Variants in NAALADL2 observed in about 807,000 individuals in gnomAD.
NAALADL2 encodes inactive N-acetylated-alpha-linked acidic dipeptidase-like protein 2.
Under a neutral mutation model 87.2 loss-of-function variants are expected in NAALADL2, and 76 were observed. That is an observed-to-expected ratio of 0.87 (90% CI 0.72 to 1.05). The LOEUF (loss-of-function observed/expected upper bound fraction) is 1.05, where lower values mean the gene tolerates loss of function less well. Ranked by LOEUF, NAALADL2 falls within the 50% of genes least tolerant of loss-of-function variation. The pLI is 0.00. For synonymous variants in NAALADL2, 354 were observed against 331.0 expected (o/e 1.07, Z -0.75); for missense variants, 1,089 against 945.8 (o/e 1.15, Z -1.99).
intron 6 of NAALADL2, chr3:175,460,033 T>C: frequency 2.8e-6 from 1 of 363,442 alleles, no homozygotes; most frequent in South Asian, 2.0e-5. Flanking sequence ...TTTTCTGTTA[T>C]TGCTATTACA....
intron 1 of NAALADL2, among the ~76,000 whole-genome samples, chr3:174,894,556 T>C (rs1026567325): frequency 4.3e-5 from 5 of 117,520 alleles, no homozygotes; most frequent in African/African-American, 1.7e-4. Flanking sequence ...ATCATGCCAC[T>C]GCACTCCAGC....
upstream of NAALADL2, among the ~76,000 whole-genome samples, chr3:174,856,693 T>C (rs1725896782): frequency 6.6e-6 from 1 of 152,122 alleles, no homozygotes; most frequent in African/African-American, 2.4e-5. Context: ...ATTTCTTTAA[T>C]TGAAAAGATG....
chr3:174,620,563 A>G (rs1720905760), intron 2 of NAALADL2, among the ~76,000 whole-genome samples: 2 of 152,024 alleles, frequency 1.3e-5, no homozygotes. Flanking sequence ...ATTGTGAAAA[A>G]TATTACTAAG....
At chr3:174,761,791 G>T (rs1198605801) in intron 3 of NAALADL2, among the ~76,000 whole-genome samples, 1 of 136,032 alleles carries the variant, frequency 7.4e-6, no homozygotes, top group Non-Finnish European at 1.5e-5. Flanking sequence ...CCTGGAGTGT[G>T]ATGTTCTCCT....
chr3:175,481,736 A>G (rs918774499), intron 9 of NAALADL2, among the ~76,000 whole-genome samples: 1 of 151,960 alleles, frequency 6.6e-6, no homozygotes. Context: ...TGGTTTACTC[A>G]TATAATGAAA....
intron 5 of NAALADL2, among the ~76,000 whole-genome samples, chr3:175,345,891 A>G (rs902393811): frequency 9.2e-5 from 14 of 152,172 alleles, no homozygotes; most frequent in Non-Finnish European, 1.5e-5. Context: ...TGCAGGGGCA[A>G]TAAAAAGCTT....
At chr3:175,783,944 G>T (rs1751528024) in intron 13 of NAALADL2, among the ~76,000 whole-genome samples, 1 of 140,704 alleles carries the variant, frequency 7.1e-6, no homozygotes, top group African/African-American at 3.0e-5. Flanking sequence ...GGCTTTTTCT[G>T]CATCTATTGA....
At chr3:174,966,081 A>C (rs1270549482) in intron 1 of NAALADL2, among the ~76,000 whole-genome samples, 1 of 152,204 alleles carries the variant, frequency 6.6e-6, no homozygotes, top group Non-Finnish European at 1.5e-5. Context: ...ATCTTAGACC[A>C]GATCATTATT....
intron 2 of NAALADL2, among the ~76,000 whole-genome samples, chr3:175,124,048 T>C (rs991898216): frequency 9.2e-5 from 14 of 151,962 alleles, no homozygotes; most frequent in Admixed American, 6.6e-5. Context: ...CTCTGTGTTG[T>C]TTTTGCCCAT....
chr3:175,200,587 CCCAGTAATGGGGG>C (rs1348115479), intron 2 of NAALADL2, among the ~76,000 whole-genome samples: 2 of 152,186 alleles, frequency 1.3e-5, no homozygotes, highest in Non-Finnish European at 2.9e-5. Flanking sequence ...CAACCATCCT[CCCAGTAATGGGGG>C]CCAGAATGCT....
At chr3:175,748,663 TTTTAA>T (rs1487327473) in intron 12 of NAALADL2, among the ~76,000 whole-genome samples, 1 of 152,196 alleles carries the variant, frequency 6.6e-6, no homozygotes, top group Non-Finnish European at 1.5e-5. Flanking sequence ...TACATTTCAC[TTTTAA>T]TTTAAAATAA....
chr3:175,591,557 T>A (rs1721455250), intron 10 of NAALADL2, among the ~76,000 whole-genome samples: 1 of 151,990 alleles, frequency 6.6e-6, no homozygotes, highest in South Asian at 2.1e-4. Flanking sequence ...AGCTAAGATA[T>A]CATCCATGAT....
intron 2 of NAALADL2, among the ~76,000 whole-genome samples, chr3:174,711,312 A>G (rs994287467): frequency 6.6e-6 from 1 of 152,230 alleles, no homozygotes; most frequent in Non-Finnish European, 1.5e-5. Flanking sequence ...GAGTGAGCTC[A>G]TATCAAATTT....
At chr3:174,611,148 T>C (rs554859716) in intron 2 of NAALADL2, among the ~76,000 whole-genome samples, 45 of 121,696 alleles carry the variant, frequency 3.7e-4, no homozygotes, top group Middle Eastern at 5.1e-3. Context: ...GGGAACATCA[T>C]ACTCTGGGGA....
chr3:175,801,296 T>C (rs9865421), intron 13 of NAALADL2, among the ~76,000 whole-genome samples: 65,394 of 151,888 alleles, frequency 0.43, 17,133 homozygotes, highest in African/African-American at 0.74. Flanking sequence ...TACATCCTTT[T>C]GCTGGTTTCC....
chr3:174,834,150 A>C (rs137904150), intron 3 of NAALADL2, among the ~76,000 whole-genome samples: 2,020 of 149,488 alleles, frequency 0.014, 99 homozygotes, highest in African/African-American at 0.049. Context: ...AGTTTCATTT[A>C]ACACTTGAAA....
intron 2 of NAALADL2, among the ~76,000 whole-genome samples, chr3:175,213,592 T>G (rs1401793689): frequency 6.6e-6 from 1 of 152,158 alleles, no homozygotes; most frequent in Admixed American, 6.6e-5. Flanking sequence ...TAGGTAACTA[T>G]GCATTTACAT....
intron 3 of NAALADL2, among the ~76,000 whole-genome samples, chr3:174,831,436 C>G (rs1722675115): frequency 7.1e-6 from 1 of 140,126 alleles, no homozygotes; most frequent in Non-Finnish European, 1.5e-5. Flanking sequence ...ATTGAACCAG[C>G]CTTGCATCCC....
chr3:174,868,471 G>C (rs1476120789), intron 1 of NAALADL2, among the ~76,000 whole-genome samples: 1 of 152,060 alleles, frequency 6.6e-6, no homozygotes, highest in African/African-American at 2.4e-5. Context: ...TGTTTTTTCT[G>C]TTCCCACAAT....
Sources: allele counts gnomAD v4.1 joint callset (sites outside exome capture counted in the v4.1 genomes callset), GRCh38; gene constraint gnomAD v4.1.1; transcripts MANE v1.5; gene names NCBI Gene and HGNC (gene_info 2026-07-23, HGNC 2026-07-21).